MYO10: variants seen among roughly 807,000 people sequenced by gnomAD.
The protein encoded by MYO10 is unconventional myosin-X.
In MYO10, 133 loss-of-function variants were observed where a neutral mutation model predicts 257.3. The observed-to-expected ratio is 0.52, with a 90% CI of 0.45 to 0.60. The LOEUF (loss-of-function observed/expected upper bound fraction) is 0.60, where lower values mean the gene tolerates loss of function less well. MYO10 is among the 20% of genes least tolerant of loss of function. The pLI, the probability that MYO10 is intolerant of heterozygous loss-of-function variation, is 0.00. For synonymous variants in MYO10, 1,104 were observed against 1,028.6 expected (o/e 1.07, Z -1.40); for missense variants, 2,399 against 2,635.7 (o/e 0.91, Z 1.97).
At chr5:16,858,245 T>C (rs1250162168) in intron 2 of MYO10, among the ~76,000 whole-genome samples, 1 of 152,182 alleles carries the variant, frequency 6.6e-6, no homozygotes, top group African/African-American at 2.4e-5. Context: ...TTTCCAGACA[T>C]TTAGAAATGT....
rs1736915918 is a variant in MYO10, at chr5:16,680,035, G to C, written c.4454C>G (p.Ala1485Gly). ...YRLYTKLLNE[A>G]TRWSSAIQNV... ...TTGAATGGCACTGGACCACCGGGTG[G>C]CCTCGTTGAGCAGCTTGGTGTAGAG... Residue 1485 changes from alanine to glycine, a missense_variant, in exon 33 of 41, where the codon GCC becomes GGC. Around this residue, in one of 3 missense-constraint regions of MYO10, gnomAD observed 1,820 missense variants for 1,939.4 expected, o/e 0.94. Transcript: ENST00000513610. 2.5e-6 allele frequency: 4 copies of C among 1,613,942 alleles called. No individual in the cohort carries two copies. Among genetic ancestry groups the C allele is most frequent in the Non-Finnish European group, 3.4e-6 (4 of 1,179,866 alleles).
At chr5:16,683,974 C>T in intron 29 of MYO10, 39 bp from the exon 30 acceptor site, 1 of 1,594,610 alleles carries the variant, frequency 6.3e-7, no homozygotes, top group Non-Finnish European at 8.6e-7. Context: ...GAGAGAAGCA[C>T]TAAAGTAGGG....
In MYO10 at chr5:16,893,196, C is replaced by CAAAAAAAAAAAAAAAAA. The variant is rs59761183; in HGVS notation, c.22-15506_22-15490dup. Among the ~76,000 whole-genome samples the CAAAAAAAAAAAAAAAAA allele has an allele frequency of 5.9e-4, 41 of 69,550 alleles. 1 individual carries two copies. Among genetic ancestry groups the CAAAAAAAAAAAAAAAAA allele is most frequent in the Non-Finnish European group, 8.6e-4 (32 of 37,370 alleles). The allele number at this position is 69,550 out of a possible 152,430, so 45.6% of individuals were successfully genotyped here. On this transcript the variant is annotated intron_variant, in intron 1 of 40. Coordinates refer to ENST00000513610, the MANE Select transcript of MYO10 (RefSeq NM_012334.3). The stretch of plus-strand genomic sequence containing the variant: ...TGGGTGACACAGTGAGACTCTGTCT[C>CAAAAAAAAAAAAAAAAA]AAAAAAAAAAAAAAAAAAAGAACTT...
intron 2 of MYO10, among the ~76,000 whole-genome samples, chr5:16,821,959 G>C (rs928710014): frequency 1.4e-5 from 2 of 143,456 alleles, no homozygotes; most frequent in Admixed American, 1.5e-4. Flanking sequence ...CAGGATTGCA[G>C]CTGCTCAAAA....
chr5:16,692,083 T>C (rs1453572597), intron 27 of MYO10, among the ~76,000 whole-genome samples: 3 of 152,094 alleles, frequency 2.0e-5, no homozygotes, highest in Admixed American at 2.0e-4. Flanking sequence ...AAAATAACTA[T>C]AAAACCAACC....
chr5:16,681,925 GCA>G lies in MYO10; in HGVS notation c.4133_4134del (p.Leu1378ProfsTer77). ...CTGGTGTCCCCTTTGGACCTCTGCA[GCA>G]GGGTTATCCAGTGGTGCATCTCCTC... ...TPEEMHHWIT[L>X]LQRSKGDTRV... On this transcript the variant is annotated frameshift_variant, in exon 31 of 41. Coordinates refer to ENST00000513610, the MANE Select transcript of MYO10 (RefSeq NM_012334.3). LOFTEE classifies it high-confidence loss of function. 6.2e-7 allele frequency: 1 copy of G among 1,613,978 alleles called. No homozygotes were observed. Among genetic ancestry groups the G allele is most frequent in the Non-Finnish European group, 8.5e-7 (1 of 1,179,882 alleles).
In MYO10 at chr5:16,664,690, G is replaced by C. The variant is rs1238323882; in HGVS notation, c.*2002C>G. On this transcript the variant is annotated 3_prime_UTR_variant, in exon 41 of 41. Transcript: ENST00000513610. Reference sequence around the variant, plus strand: ...ACAGGGAGGTGCAGGCAGGTTCTAGGATCCAGGGTTGCAAGATCAGGCACA... The same window carrying C: ...ACAGGGAGGTGCAGGCAGGTTCTAGCATCCAGGGTTGCAAGATCAGGCACA... 1 of 152,276 alleles carries C rather than the reference G, an allele frequency of 6.6e-6. No homozygotes were observed. The highest frequency in any genetic ancestry group is 1.5e-5 in the Non-Finnish European group (1 of 68,080). The allele number at this position is 152,276 out of a possible 1,614,324, so 9.4% of individuals were successfully genotyped here.
Position 16,748,490 on chromosome 5 carries a change from G to C in MYO10, c.1929+6338C>G, listed in dbSNP as rs1419086342. 1.7e-3 allele frequency among the ~76,000 whole-genome samples: 250 copies of C among 147,790 alleles called. 2 individuals carry two copies. Among genetic ancestry groups the C allele is most frequent in the African/African-American group, 5.9e-3 (235 of 39,738 alleles). On this transcript the variant is annotated intron_variant, in intron 19 of 40. Transcript: ENST00000513610. ...GAACTCCTGGCCTCAAGTGATCCGC[G>C]CCCCCCCGCCCCCCATCAGCCTCCC... is the stretch of plus-strand genomic sequence containing the variant.
chr5:16,860,742 G>C (rs253474), intron 2 of MYO10, among the ~76,000 whole-genome samples: 1 of 152,012 alleles, frequency 6.6e-6, no homozygotes, highest in Admixed American at 6.6e-5. Context: ...ATGAGGGCCC[G>C]TGATGAACGA....
chr5:16,715,913 G>A (rs903198349), intron 19 of MYO10, among the ~76,000 whole-genome samples: 3 of 152,010 alleles, frequency 2.0e-5, no homozygotes, highest in South Asian at 4.2e-4. Context: ...AAAATCAGCC[G>A]AGTGTGGTGG....
At chr5:16,886,993 T>C (rs1397591172) in intron 1 of MYO10, among the ~76,000 whole-genome samples, 1 of 148,456 alleles carries the variant, frequency 6.7e-6, no homozygotes, top group Non-Finnish European at 1.5e-5. Context: ...AAGACCACAG[T>C]GTTCCAAATA....
At chr5:16,681,682 C>T (rs1737009131) in intron 31 of MYO10, among the ~76,000 whole-genome samples, 179 bp from the exon 32 acceptor site, 1 of 152,190 alleles carries the variant, frequency 6.6e-6, no homozygotes, top group Non-Finnish European at 1.5e-5. Flanking sequence ...CCCAAAATCA[C>T]AACTAGCAAC....
Position 16,681,928 on chromosome 5 carries a change from G to C in MYO10, c.4132C>G (p.Leu1378Val), listed in dbSNP as rs1431042930. 7 of 1,613,982 alleles carry C rather than the reference G, an allele frequency of 4.3e-6. No individual in the cohort carries two copies. The South Asian group carries it at 7.7e-5, about 18-fold the overall frequency. Residue 1378 changes from leucine (L) to valine (V), a missense_variant, in exon 31 of 41, where the codon CTG (leucine) becomes GTG (valine). Coordinates refer to ENST00000513610, the MANE Select transcript of MYO10 (RefSeq NM_012334.3). ...GTGTCCCCTTTGGACCTCTGCAGCA[G>C]GGTTATCCAGTGGTGCATCTCCTCC... ...TPEEMHHWIT[L>V]LQRSKGDTRV...
At chr5:16,911,912 C>A (rs189071709) in intron 1 of MYO10, among the ~76,000 whole-genome samples, 53 of 152,176 alleles carry the variant, frequency 3.5e-4, no homozygotes, top group African/African-American at 1.1e-3. Flanking sequence ...GTGGTGGGCA[C>A]CTGTAATCCC....
chr5:16,837,525 G>A (rs2126723893), intron 2 of MYO10, among the ~76,000 whole-genome samples: 1 of 152,252 alleles, frequency 6.6e-6, no homozygotes, highest in South Asian at 2.1e-4. Context: ...TCGGGGTGAT[G>A]AAAGTGTTCT....
At chr5:16,935,761 G>A in intron 1 of MYO10, 27 bp downstream of exon 1, 3 of 1,613,288 alleles carry the variant, frequency 1.9e-6, no homozygotes, top group Non-Finnish European at 2.5e-6. Flanking sequence ...GGCTCCGGAG[G>A]CCAGGTCGGA....
At chr5:16,834,317 T>C (rs1176559263) in intron 2 of MYO10, among the ~76,000 whole-genome samples, 1 of 152,198 alleles carries the variant, frequency 6.6e-6, no homozygotes, top group Non-Finnish European at 1.5e-5. Flanking sequence ...CCAGCTCATA[T>C]GCCGAAGTGG....
At chr5:16,813,004 G>C (rs1167120124) in intron 3 of MYO10, among the ~76,000 whole-genome samples, 1 of 150,580 alleles carries the variant, frequency 6.6e-6, no homozygotes, top group African/African-American at 2.4e-5. Context: ...ATATTTTCCT[G>C]GTTTCTGACA....
At position 16,933,606 on chromosome 5, in the gene MYO10, A is replaced by T. The variant is rs186253049; in HGVS notation, c.21+2182T>A. Among the ~76,000 whole-genome samples, 449 of 152,290 alleles carry T rather than the reference A, an allele frequency of 2.9e-3. 3 individuals carry two copies. Among genetic ancestry groups the T allele is most frequent in the African/African-American group, 0.01 (426 of 41,568 alleles). On this transcript the variant is annotated intron_variant, in intron 1 of 40. Coordinates refer to ENST00000513610, the MANE Select transcript of MYO10 (RefSeq NM_012334.3). The stretch of plus-strand genomic sequence containing the variant: ...TTTAGCTGTCCTTGGGGAATATATC[A>T]CTTCCACACTCGCTGTTTCTATTCT...
Sources: gnomAD v4.1 joint callset for allele counts (sites outside exome capture counted in the v4.1 genomes callset) on GRCh38, gnomAD v4.1.1 for gene constraint, gnomAD v4.1.1 regional missense constraint, MANE v1.5 for transcripts, NCBI Gene and HGNC (gene_info 2026-07-23, HGNC 2026-07-21) for gene names.